Variants in ADGRA3 observed in about 807,000 individuals in gnomAD.
ADGRA3 encodes the protein adhesion G protein-coupled receptor A3, also known as G-protein coupled receptor 125.
In ADGRA3, 56 loss-of-function variants were observed where a neutral mutation model predicts 119.8. That is an observed-to-expected ratio of 0.47 (90% CI 0.38 to 0.58). ADGRA3 has a LOEUF of 0.58. Among genes scored for constraint, ADGRA3 ranks in the 20% least tolerant of loss-of-function variants. ADGRA3 has a pLI of 0.00. For missense variants in ADGRA3, 1,516 were observed against 1,649.0 expected, an observed-to-expected ratio of 0.92 and a Z score of 1.40; for synonymous variants, 607 against 623.8, an observed-to-expected ratio of 0.97 and a Z score of 0.40.
intron 1 of ADGRA3, chr4:22,477,759 C>A (rs190166133): frequency 6.6e-6 from 1 of 152,114 alleles, no homozygotes; most frequent in Admixed American, 6.5e-5. Flanking sequence ...ATAACTGTAA[C>A]CTTAAAAATA....
chr4:22,449,100 G>A (rs551434660), intron 4 of ADGRA3, among the ~76,000 whole-genome samples: 45 of 151,890 alleles, frequency 3.0e-4, no homozygotes, highest in Non-Finnish European at 5.6e-4. Flanking sequence ...GTGAAACTCC[G>A]TCTCTACTAA....
In ADGRA3 at chr4:22,409,328, T is replaced by C. The variant is rs111963635; in HGVS notation, c.2232+3854A>G. Reference sequence around the variant, plus strand: ...TACAAACCACTAGAAACAAACACAATAGAGAAATATCTAAATAAATTATGG... The same window carrying C: ...TACAAACCACTAGAAACAAACACAACAGAGAAATATCTAAATAAATTATGG... On this transcript the variant is annotated intron_variant, in intron 14 of 18. Coordinates refer to ENST00000334304, the MANE Select transcript of ADGRA3 (RefSeq NM_145290.4). Among the ~76,000 whole-genome samples, 922 of 152,068 alleles carry C rather than the reference T, an allele frequency of 6.1e-3. 14 individuals carry two copies. The highest frequency in any genetic ancestry group is 0.045 in the East Asian group (233 of 5,164).
chr4:22,402,027 A>G (rs980438902), intron 15 of ADGRA3, among the ~76,000 whole-genome samples: 5 of 152,196 alleles, frequency 3.3e-5, no homozygotes, highest in African/African-American at 1.2e-4. Flanking sequence ...TTAGTAATAT[A>G]TATCAAAATC....
rs960944904 is a variant in ADGRA3, at chr4:22,422,052, C to G, written c.1606-963G>C. 2.0e-5 allele frequency among the ~76,000 whole-genome samples: 3 copies of G among 152,112 alleles called. No individual in the cohort carries two copies. In the South Asian group the frequency reaches 6.2e-4, roughly 32 times the overall value. On this transcript the variant is annotated intron_variant, in intron 11 of 18. Transcript: ENST00000334304. ...CACCAAAACATACAACCTGTCAATACAGACAGCCACCAGGCCCACTCGCTG... is the reference window on the plus strand; with the variant it reads ...CACCAAAACATACAACCTGTCAATAGAGACAGCCACCAGGCCCACTCGCTG...
intron 1 of ADGRA3, among the ~76,000 whole-genome samples, chr4:22,513,136 CT>C (rs1719508019): frequency 6.9e-6 from 1 of 145,846 alleles, no homozygotes; most frequent in Non-Finnish European, 1.5e-5. Context: ...GCCAGAACAA[CT>C]TTCCTCTTTT....
intron 1 of ADGRA3, among the ~76,000 whole-genome samples, chr4:22,495,768 G>T (rs1042794810): frequency 6.6e-6 from 1 of 152,118 alleles, no homozygotes; most frequent in Non-Finnish European, 1.5e-5. Context: ...AATTAGCCGG[G>T]CGTGGTGGCC....
chr4:22,418,699 A>T (rs1023744393), intron 12 of ADGRA3, among the ~76,000 whole-genome samples: 3 of 152,066 alleles, frequency 2.0e-5, no homozygotes, highest in African/African-American at 4.8e-5. Context: ...TTTGGGGAGG[A>T]TCCAGGTAGA....
chr4:22,423,670 T>C (rs908016106), intron 11 of ADGRA3, among the ~76,000 whole-genome samples: 3 of 152,174 alleles, frequency 2.0e-5, no homozygotes, highest in African/African-American at 7.2e-5. Context: ...AAAATGCCAA[T>C]AGCTTCACAA....
At chr4:22,495,908 C>CAAA (rs1297158054) in intron 1 of ADGRA3, among the ~76,000 whole-genome samples, 11 of 115,034 alleles carry the variant, frequency 9.6e-5, no homozygotes, top group African/African-American at 2.9e-4. Context: ...GACTCCGTCT[C>CAAA]AAAAAAAAAA....
intron 17 of ADGRA3, among the ~76,000 whole-genome samples, chr4:22,392,093 G>C (rs1292947829): frequency 1.3e-5 from 2 of 152,142 alleles, no homozygotes; most frequent in Non-Finnish European, 2.9e-5. Flanking sequence ...TATTCATCCA[G>C]CATGATAATC....
intron 10 of ADGRA3, among the ~76,000 whole-genome samples, chr4:22,426,848 T>A (rs1715958529): frequency 1.3e-5 from 2 of 152,192 alleles, no homozygotes; most frequent in Admixed American, 6.5e-5. Flanking sequence ...TATGATTCAT[T>A]GGAACATTAG....
intron 5 of ADGRA3, among the ~76,000 whole-genome samples, chr4:22,446,421 AC>A (rs1411908470): frequency 1.3e-5 from 2 of 152,266 alleles, no homozygotes; most frequent in African/African-American, 4.8e-5. Flanking sequence ...GAAATGGTTG[AC>A]CTGAGCCCAC....
intron 10 of ADGRA3, among the ~76,000 whole-genome samples, chr4:22,430,871 T>C (rs1033513814): frequency 2.3e-4 from 35 of 151,972 alleles, no homozygotes; most frequent in African/African-American, 8.5e-4. Context: ...AGGGACTTGG[T>C]GTCTAGCAGC....
intron 8 of ADGRA3, 47 bp from the exon 9 acceptor site, chr4:22,436,688 T>A: frequency 6.7e-7 from 1 of 1,493,272 alleles, no homozygotes; most frequent in South Asian, 1.1e-5. Flanking sequence ...ATGACACGGG[T>A]ACATCAAGAA....
intron 1 of ADGRA3, among the ~76,000 whole-genome samples, chr4:22,504,135 C>T (rs1033450054): frequency 2.0e-5 from 3 of 151,934 alleles, no homozygotes; most frequent in African/African-American, 7.3e-5. Context: ...CCCAATTCTA[C>T]ACACCTGCCC....
chr4:22,401,282 C>T (rs2045816), intron 16 of ADGRA3, 149 bp downstream of exon 16: 35,089 of 620,946 alleles, frequency 0.057, 2,412 homozygotes, highest in East Asian at 0.27. Context: ...AGGAAGTAAA[C>T]TGGCAGATTG....
chr4:22,410,872 T>C (rs1005865799), intron 14 of ADGRA3, among the ~76,000 whole-genome samples: 1 of 152,134 alleles, frequency 6.6e-6, no homozygotes, highest in African/African-American at 2.4e-5. Flanking sequence ...AAAAAGTCTT[T>C]GAAAATAAAT....
intron 10 of ADGRA3, among the ~76,000 whole-genome samples, chr4:22,427,624 T>C (rs1369479638): frequency 6.6e-6 from 1 of 151,954 alleles, no homozygotes; most frequent in Non-Finnish European, 1.5e-5. Flanking sequence ...AATCAGAAAA[T>C]GTTATATGCT....
chr4:22,399,674 C>T (rs1340478283), intron 16 of ADGRA3, among the ~76,000 whole-genome samples: 2 of 152,124 alleles, frequency 1.3e-5, no homozygotes, highest in African/African-American at 4.8e-5. Flanking sequence ...CATTCTATCC[C>T]ATTGGCCAAT....
Sources: allele counts gnomAD v4.1 joint callset (sites outside exome capture counted in the v4.1 genomes callset), GRCh38; gene constraint gnomAD v4.1.1; transcripts MANE v1.5; gene names NCBI Gene and HGNC (gene_info 2026-07-23, HGNC 2026-07-21).